Variants in SFMBT2 observed in about 807,000 individuals in gnomAD.
SFMBT2 encodes the protein Scm like with four mbt domains 2, also known as scm-like with four MBT domains protein 2.
In SFMBT2, 38 loss-of-function variants were observed where a neutral mutation model predicts 110.1. The observed-to-expected ratio is 0.35, with a 90% CI of 0.27 to 0.45. The LOEUF is 0.45. Ranked by LOEUF, SFMBT2 falls within the 20% of genes least tolerant of loss-of-function variation. The pLI is 1.00. For synonymous variants in SFMBT2, 425 were observed against 425.4 expected (o/e 1.00, Z 0.01); for missense variants, 1,011 against 1,094.9 (o/e 0.92, Z 1.08).
chr10:7,371,241 A>G (rs1334947430), intron 2 of SFMBT2, among the ~76,000 whole-genome samples: 1 of 152,136 alleles, frequency 6.6e-6, no homozygotes, highest in Non-Finnish European at 1.5e-5. Flanking sequence ...CTCCTGCCTC[A>G]GCTTCCTAAG....
intron 1 of SFMBT2, among the ~76,000 whole-genome samples, chr10:7,396,740 C>G (rs892424765): frequency 7.9e-5 from 12 of 151,802 alleles, no homozygotes; most frequent in Non-Finnish European, 1.8e-4. Flanking sequence ...AGTTCATGTC[C>G]TTTGTAGGGA....
intron 4 of SFMBT2, among the ~76,000 whole-genome samples, chr10:7,363,055 T>A (rs1342126155): frequency 6.6e-6 from 1 of 152,208 alleles, no homozygotes; most frequent in Non-Finnish European, 1.5e-5. Flanking sequence ...CCCCTTGATA[T>A]GGTTTGGCAG....
chr10:7,305,724 A>G (rs935370555), intron 4 of SFMBT2, among the ~76,000 whole-genome samples: 2 of 152,224 alleles, frequency 1.3e-5, no homozygotes, highest in African/African-American at 4.8e-5. Context: ...GGGAGACTCA[A>G]ATTTTCTAGA....
rs1554782971 is a variant in SFMBT2, at chr10:7,186,459, C to CATATAT, written c.1808+2159_1808+2164dup. 4.0e-3 allele frequency among the ~76,000 whole-genome samples: 512 copies of CATATAT among 126,870 alleles called. 3 individuals are homozygous for CATATAT. The highest frequency in any genetic ancestry group is 0.015 in the African/African-American group (476 of 30,820). 83.2% of individuals were successfully genotyped at this position (126,870 alleles called of 152,430 possible). ...ACACACACACACACACACACACACA[C>CATATAT]ATATATATATATATAAAAATATTTT... is the stretch of plus-strand genomic sequence containing the variant. On this transcript the variant is annotated intron_variant, in intron 16 of 20. Transcript: ENST00000397167.
At chr10:7,292,287 C>T (rs1284289219) in intron 4 of SFMBT2, 1 of 244,082 alleles carries the variant, frequency 4.1e-6, no homozygotes, top group Non-Finnish European at 6.6e-6. Context: ...GGCAACAGTA[C>T]ACCTTGAATG....
In SFMBT2 at chr10:7,344,890, C is replaced by T. The variant is rs186668292; in HGVS notation, c.436+22759G>A. Among the ~76,000 whole-genome samples the T allele has an allele frequency of 4.1e-3, 580 of 140,872 alleles. 5 individuals are homozygous for T. The highest frequency in any genetic ancestry group is 0.015 in the African/African-American group (541 of 36,618). 92.4% of individuals were successfully genotyped at this position (140,872 alleles called of 152,430 possible). A position where few individuals can be genotyped will look rare whatever the true frequency, so the allele number is the denominator to read the frequency against. On this transcript the variant is annotated intron_variant, in intron 4 of 20. Transcript: ENST00000397167. ...AAGAGAATGGTGTGAACCCAGGAGA[C>T]GGAGCTTGCAGTGAGCCGAGATTGC...
At chr10:7,333,392 C>CTT (rs58271261) in intron 4 of SFMBT2, among the ~76,000 whole-genome samples, 2,831 of 138,450 alleles carry the variant, frequency 0.02, 102 homozygotes, top group African/African-American at 0.07. Flanking sequence ...TGAGGCTTAC[C>CTT]TTTTTTTTTT....
chr10:7,367,861 T>C lies in SFMBT2; in HGVS notation c.224A>G (p.Gln75Arg). The C allele has an allele frequency of 1.2e-6, 2 of 1,614,190 alleles. No individual in the cohort carries two copies. The highest frequency in any genetic ancestry group is 1.7e-6 in the Non-Finnish European group (2 of 1,180,044). The change falls in exon 4 of 21, where the codon CAG (glutamine) becomes CGG (arginine). Residue 75 changes from glutamine (Q) to arginine (R), a missense_variant. Transcript: ENST00000397167. This position sits in a 1 kb window ranked among gnomAD's most constrained non-coding sequence, Gnocchi z 6.2. Reference sequence around the variant, plus strand: ...AGCCACTTCCAATTTCATTCCTGGCTGGAAGTTGCTCTGAATGCTGATTTC... The same window carrying C: ...AGCCACTTCCAATTTCATTCCTGGCCGGAAGTTGCTCTGAATGCTGATTTC... ...HVEISIQSNF[Q>R]PGMKLEVANK...
intron 1 of SFMBT2, among the ~76,000 whole-genome samples, chr10:7,390,348 C>T (rs1845731102): frequency 6.6e-6 from 1 of 152,144 alleles, no homozygotes. Context: ...AGTTAAAACT[C>T]ATGAATTTTT....
At position 7,259,078 on chromosome 10, in the gene SFMBT2, G is replaced by A. The variant is rs79473644; in HGVS notation, c.871-10429C>T. On this transcript the variant is annotated intron_variant, in intron 7 of 20. Transcript: ENST00000397167. ...TTACAACAGGCAGGATGTGGTGGACGCTGAGGGGGCCCCTAAATGCATTAA... is the reference window on the plus strand; with the variant it reads ...TTACAACAGGCAGGATGTGGTGGACACTGAGGGGGCCCCTAAATGCATTAA... 9.1e-3 allele frequency among the ~76,000 whole-genome samples: 1,385 copies of A among 152,264 alleles called. 17 individuals are homozygous for A. Among genetic ancestry groups the A allele is most frequent in the African/African-American group, 0.027 (1,123 of 41,526 alleles).
At chr10:7,389,916 C>T (rs2244587) in intron 1 of SFMBT2, among the ~76,000 whole-genome samples, 45,089 of 152,188 alleles carry the variant, frequency 0.3, 10,191 homozygotes, top group African/African-American at 0.64. Flanking sequence ...TCTCCTTTCA[C>T]TTGAGGTATA....
At chr10:7,277,744 C>T (rs980231480) in intron 6 of SFMBT2, among the ~76,000 whole-genome samples, 1 of 152,160 alleles carries the variant, frequency 6.6e-6, no homozygotes, top group African/African-American at 2.4e-5. Context: ...ATAGGATTTG[C>T]AGAAGCCCTC....
intron 16 of SFMBT2, chr10:7,176,460 G>T: frequency 1.0e-6 from 1 of 984,202 alleles, no homozygotes; most frequent in Non-Finnish European, 1.2e-6. Context: ...GAGCGGTGCG[G>T]GATACATACC....
intron 1 of SFMBT2, among the ~76,000 whole-genome samples, chr10:7,382,919 C>T (rs1305775974): frequency 1.3e-5 from 2 of 152,150 alleles, no homozygotes; most frequent in African/African-American, 2.4e-5. Context: ...TATGTCAGGG[C>T]CCAGGAGATA....
In SFMBT2 at chr10:7,186,425, TACACACACACAC is replaced by T. The variant is rs780362808; in HGVS notation, c.1808+2187_1808+2198del. Among the ~76,000 whole-genome samples, 8 of 109,388 alleles carry T rather than the reference TACACACACACAC, an allele frequency of 7.3e-5. No homozygotes were observed. In the South Asian group the frequency reaches 8.8e-4, roughly 12 times the overall value. 71.8% of individuals were successfully genotyped at this position (109,388 alleles called of 152,430 possible). On this transcript the variant is annotated intron_variant, in intron 16 of 20. Transcript: ENST00000397167. ...TATACACATACATACATACTATATA[TACACACACACAC>T]ACACACACACACACACACACACATA...
At chr10:7,241,280 A>G (rs1588374996) in intron 9 of SFMBT2, 2 of 949,542 alleles carry the variant, frequency 2.1e-6, no homozygotes, top group East Asian at 2.3e-4. Context: ...TATGAGCAGC[A>G]TGAGAACAGA....
chr10:7,370,302 A>T lies in SFMBT2; in HGVS notation c.174T>A (p.Ala58=). ...ATACGTGTTTGAATGATGTGTGGGG[A>T]GCAGCACTTGCTCCTGTCTCTTCCA... is the stretch of plus-strand genomic sequence containing the variant. The part of the protein sequence containing the change: ...EYLEETGASA[A]PHTSFKHVEI... The change falls in exon 3 of 21, where the codon GCT becomes GCA. Residue 58 remains alanine, a synonymous_variant. Coordinates refer to ENST00000397167, the MANE Select transcript of SFMBT2 (RefSeq NM_001387889.1). The T allele has an allele frequency of 1.9e-6, 3 of 1,614,056 alleles. No homozygotes were observed. The highest frequency in any genetic ancestry group is 2.5e-6 in the Non-Finnish European group (3 of 1,179,942).
Position 7,163,707 on chromosome 10 carries a change from A to G in SFMBT2, c.*63T>C. The G allele has an allele frequency of 6.9e-7, 1 of 1,445,928 alleles. No homozygotes were observed. Among genetic ancestry groups the G allele is most frequent in the Non-Finnish European group, 9.6e-7 (1 of 1,042,976 alleles). The allele number at this position is 1,445,928 out of a possible 1,614,324, so 89.6% of individuals were successfully genotyped here. A position where few individuals can be genotyped will look rare whatever the true frequency, so the allele number is the denominator to read the frequency against. On this transcript the variant is annotated 3_prime_UTR_variant, in exon 21 of 21. Transcript: ENST00000397167. The surrounding 1 kb of genome is among the most constrained non-coding windows in gnomAD (Gnocchi z 4.8). ...ACATATCCCGGAAAATCAAAGTTTC[A>G]GTCCTGGAAACCTTTACCAACACCG...
rs1837514294 is a variant in SFMBT2 at position 7,160,207 on chromosome 10, C to CCA, written c.*3562_*3563insTG. 6.6e-6 allele frequency: 1 copy of CCA among 152,192 alleles called. No individual in the cohort carries two copies. The highest frequency in any genetic ancestry group is 2.4e-5 in the African/African-American group (1 of 41,448). The allele number at this position is 152,192 out of a possible 1,614,324, so 9.4% of individuals were successfully genotyped here. On this transcript the variant is annotated 3_prime_UTR_variant, in exon 21 of 21. Coordinates refer to ENST00000397167, the MANE Select transcript of SFMBT2 (RefSeq NM_001387889.1). ...CTGTGCAGCTCCGTGGTGAAGTTCA[C>CCA]TGTGTTTTGCTTTTGTTTTGAAAGG...
Sources: allele counts gnomAD v4.1 joint callset (sites outside exome capture counted in the v4.1 genomes callset), GRCh38; gene constraint gnomAD v4.1.1; non-coding constraint Gnocchi (gnomAD v3.1); transcripts MANE v1.5; gene names NCBI Gene and HGNC (gene_info 2026-07-23, HGNC 2026-07-21).